TRPC3: variants seen among roughly 807,000 people sequenced by gnomAD.
TRPC3 encodes the protein short transient receptor potential channel 3.
In TRPC3, 54 loss-of-function variants were observed where a neutral mutation model predicts 90.9. That is an observed-to-expected ratio of 0.59 (90% CI 0.48 to 0.75). TRPC3 has a LOEUF of 0.75. Ranked by LOEUF, TRPC3 falls within the 30% of genes least tolerant of loss-of-function variation. TRPC3 has a pLI of 0.00. For synonymous variants in TRPC3, 424 were observed against 450.9 expected, an observed-to-expected ratio of 0.94 and a Z score of 0.75; for missense variants, 918 against 1,194.5, an observed-to-expected ratio of 0.77 and a Z score of 3.41.
intron 1 of TRPC3, among the ~76,000 whole-genome samples, chr4:121,935,700 T>C (rs1730107987): frequency 6.6e-6 from 1 of 152,156 alleles, no homozygotes; most frequent in Non-Finnish European, 1.5e-5. Flanking sequence ...GAAATATATG[T>C]GGAGTATATA....
intron 7 of TRPC3, 149 bp downstream of exon 7, chr4:121,907,154 T>C (rs1578620201): frequency 2.7e-6 from 2 of 749,430 alleles, no homozygotes; most frequent in South Asian, 4.2e-5. Flanking sequence ...CAGAGCAATA[T>C]AATCAACACA....
intron 10 of TRPC3, among the ~76,000 whole-genome samples, chr4:121,893,624 C>T (rs1728408860): frequency 6.6e-6 from 1 of 151,876 alleles, no homozygotes; most frequent in South Asian, 2.1e-4. Context: ...AAACCTGACG[C>T]CATAAACAAT....
At chr4:121,948,100 G>A (rs1730553706) in intron 1 of TRPC3, among the ~76,000 whole-genome samples, 1 of 151,476 alleles carries the variant, frequency 6.6e-6, no homozygotes. Flanking sequence ...CCATCAGACA[G>A]CTTTAAACTT....
intron 7 of TRPC3, among the ~76,000 whole-genome samples, chr4:121,905,415 T>C (rs1278171530): frequency 6.6e-6 from 1 of 152,070 alleles, no homozygotes; most frequent in African/African-American, 2.4e-5. Context: ...ATTCCTGTTC[T>C]TTTCCCTTAA....
chr4:121,951,025 C>A lies in TRPC3; in HGVS notation c.215+441G>T, dbSNP rs1309477599. Among the ~76,000 whole-genome samples the A allele has an allele frequency of 6.6e-6, 1 of 152,170 alleles. No individual in the cohort carries two copies. The highest frequency in any genetic ancestry group is 2.4e-5 in the African/African-American group (1 of 41,440). The stretch of plus-strand genomic sequence containing the variant: ...CCGGGAGGAGTTCAGGGTTCAAGTG[C>A]GCGCCTGGGTCTGTGCACATCTTCC... On this transcript the variant is annotated intron_variant, in intron 1 of 11. Coordinates refer to ENST00000379645, the MANE Select transcript of TRPC3 (RefSeq NM_001130698.2). This position sits in a 1 kb window ranked among gnomAD's most constrained non-coding sequence, Gnocchi z 4.4.
intron 1 of TRPC3, among the ~76,000 whole-genome samples, chr4:121,942,289 T>C (rs1430164795): frequency 6.6e-6 from 1 of 152,208 alleles, no homozygotes; most frequent in African/African-American, 2.4e-5. Flanking sequence ...TGGCCAGGCA[T>C]GGTGGCTCAT....
At chr4:121,910,032 C>G in intron 6 of TRPC3, 122 bp downstream of exon 6, 1 of 722,438 alleles carries the variant, frequency 1.4e-6, no homozygotes. Context: ...ATGCTTTCTC[C>G]ACTGTCCATA....
intron 2 of TRPC3, among the ~76,000 whole-genome samples, chr4:121,931,676 C>T (rs565183644): frequency 9.7e-4 from 148 of 152,256 alleles, no homozygotes; most frequent in African/African-American, 3.3e-3. Context: ...GGCATTTTGT[C>T]ATATCAGTGA....
chr4:121,889,302 C>T (rs1234153783), intron 10 of TRPC3, among the ~76,000 whole-genome samples: 1 of 151,946 alleles, frequency 6.6e-6, no homozygotes, highest in African/African-American at 2.4e-5. Context: ...GGGATTACAT[C>T]AAGCATATTT....
chr4:121,915,009 C>A, intron 3 of TRPC3, 65 bp from the exon 4 acceptor site: 1 of 1,398,678 alleles, frequency 7.1e-7, no homozygotes, highest in Non-Finnish European at 9.8e-7. Context: ...TTGTCAATAG[C>A]TCAACTATTA....
At chr4:121,882,459 C>G (rs756589729) in intron 10 of TRPC3, 30 bp from the exon 11 acceptor site, 1 of 1,595,872 alleles carries the variant, frequency 6.3e-7, no homozygotes, top group Non-Finnish European at 8.6e-7. Context: ...GATTAGATCT[C>G]CAATGATATA....
At chr4:121,931,703 T>G (rs1309776593) in intron 2 of TRPC3, among the ~76,000 whole-genome samples, 1 of 152,174 alleles carries the variant, frequency 6.6e-6, no homozygotes, top group East Asian at 1.9e-4. Flanking sequence ...TTTAATAGTA[T>G]TTTTTATTGG....
intron 1 of TRPC3, among the ~76,000 whole-genome samples, chr4:121,947,612 C>T (rs935328022): frequency 6.6e-6 from 1 of 152,300 alleles, no homozygotes; most frequent in Non-Finnish European, 1.5e-5. Context: ...CATTACTTTA[C>T]ATCTCTGTGT....
chr4:121,907,569 T>TAAAAAAAA lies in TRPC3; in HGVS notation c.1793-3_1793-2insTTTTTTTT. ...CAGAAGGGAGCCATTTATCTCTAGC[T>TAAAAAAAA]AGAAAAAAGAGAGAAAGAGATTAAA... On this transcript the variant is annotated splice_region_variant and splice_polypyrimidine_tract_variant and intron_variant, in intron 6 of 11. Coordinates refer to ENST00000379645, the MANE Select transcript of TRPC3 (RefSeq NM_001130698.2). The TAAAAAAAA allele has an allele frequency of 6.3e-7, 1 of 1,590,428 alleles. No homozygotes were observed. The highest frequency in any genetic ancestry group is 1.9e-5 in the Admixed American group (1 of 54,012).
intron 1 of TRPC3, among the ~76,000 whole-genome samples, chr4:121,944,075 T>A (rs1458264698): frequency 6.6e-6 from 1 of 152,140 alleles, no homozygotes; most frequent in Non-Finnish European, 1.5e-5. Context: ...ACAGTCTACA[T>A]CTGCAGACCC....
In TRPC3 at chr4:121,933,033, C is replaced by T; in HGVS notation, c.225G>A (p.Glu75=). 1 of 1,578,834 alleles carries T rather than the reference C, an allele frequency of 6.3e-7. No homozygotes were observed. Among genetic ancestry groups the T allele is most frequent in the Non-Finnish European group, 8.6e-7 (1 of 1,161,568 alleles). Residue 75 remains glutamate (E), a synonymous_variant, in exon 2 of 12, where the codon GAG becomes GAA. Coordinates refer to ENST00000379645, the MANE Select transcript of TRPC3 (RefSeq NM_001130698.2). ...PFSHGPDLSM[E]GSPSLRRMTV... is the part of the protein sequence containing the mutation. ...TCATGCGTCTCAGGGATGGGCTTCC[C>T]TCCATGGACCTAATCAGTAGCAACG...
chr4:121,882,072 T>G (rs146165958), intron 11 of TRPC3, among the ~76,000 whole-genome samples: 4 of 152,262 alleles, frequency 2.6e-5, no homozygotes, highest in African/African-American at 9.6e-5. Context: ...GACTACCTTA[T>G]GTCAGAAGGA....
chr4:121,947,036 A>G (rs962069133), intron 1 of TRPC3, among the ~76,000 whole-genome samples: 1 of 151,794 alleles, frequency 6.6e-6, no homozygotes, highest in Non-Finnish European at 1.5e-5. Context: ...TTTTACAAGT[A>G]GTCAGTTATG....
intron 7 of TRPC3, among the ~76,000 whole-genome samples, chr4:121,904,743 T>TATC (rs1450221647): frequency 6.6e-6 from 1 of 152,132 alleles, no homozygotes; most frequent in Non-Finnish European, 1.5e-5. Context: ...TTTCTGAAGT[T>TATC]ATCATCAAGT....
Sources: allele counts gnomAD v4.1 joint callset (sites outside exome capture counted in the v4.1 genomes callset), GRCh38; gene constraint gnomAD v4.1.1; non-coding constraint Gnocchi (gnomAD v3.1); transcripts MANE v1.5; gene names NCBI Gene and HGNC (gene_info 2026-07-23, HGNC 2026-07-21).